The following NEBL variants were observed in gnomAD, a reference collection of about 807,000 sequenced individuals.
NEBL encodes nebulette.
Under a neutral mutation model 140.2 loss-of-function variants are expected in NEBL, and 122 were observed. The observed-to-expected ratio is 0.87, with a 90% CI of 0.75 to 1.01. The LOEUF (loss-of-function observed/expected upper bound fraction) is 1.01. NEBL is among the 50% of genes least tolerant of loss of function. The probability of loss-of-function intolerance (pLI) is 0.00; values close to 1 mark genes in which losing one functional copy is unlikely to be tolerated. For missense variants in NEBL, 1,365 were observed against 1,231.3 expected, an observed-to-expected ratio of 1.11 and a Z score of -1.62; for synonymous variants, 436 against 398.9, an observed-to-expected ratio of 1.09 and a Z score of -1.11.
At chr10:21,111,271 A>C (rs1838000013) in intron 2 of NEBL, among the ~76,000 whole-genome samples, 1 of 152,186 alleles carries the variant, frequency 6.6e-6, no homozygotes, top group Non-Finnish European at 1.5e-5. Flanking sequence ...ACCAAAAAAG[A>C]GCCCACAGAG....
chr10:20,883,831 G>C (rs1015936619), intron 4 of NEBL, among the ~76,000 whole-genome samples: 1 of 152,230 alleles, frequency 6.6e-6, no homozygotes, highest in African/African-American at 2.4e-5. Flanking sequence ...CATTAACATC[G>C]TCATTTCATT....
intron 26 of NEBL, among the ~76,000 whole-genome samples, chr10:20,800,702 G>C (rs1354736117): frequency 7.2e-6 from 1 of 138,272 alleles, no homozygotes; most frequent in African/African-American, 2.7e-5. Context: ...CAATAAGAGA[G>C]GTTGCGATAT....
intron 13 of NEBL, among the ~76,000 whole-genome samples, chr10:20,838,234 A>T (rs771092412): frequency 6.6e-5 from 10 of 152,228 alleles, no homozygotes; most frequent in Admixed American, 2.0e-4. Flanking sequence ...AAGATTAGTG[A>T]TTCATGAGAG....
intron 4 of NEBL, among the ~76,000 whole-genome samples, chr10:20,913,061 T>G (rs1413300048): frequency 6.6e-6 from 1 of 151,906 alleles, no homozygotes; most frequent in Non-Finnish European, 1.5e-5. Context: ...CATGCCCTGC[T>G]GTAAATTGTT....
intron 2 of NEBL, among the ~76,000 whole-genome samples, chr10:21,074,001 G>A (rs753409017): frequency 6.6e-6 from 1 of 152,104 alleles, no homozygotes; most frequent in Non-Finnish European, 1.5e-5. Context: ...CGTGAATCCG[G>A]GAGGTGGAGG....
At chr10:21,147,098 T>C (rs1444845378) in intron 2 of NEBL, among the ~76,000 whole-genome samples, 1 of 152,122 alleles carries the variant, frequency 6.6e-6, no homozygotes. Flanking sequence ...TCCAATAATA[T>C]TTCTTCAGCA....
At chr10:21,044,508 C>G (rs1194217962) in intron 2 of NEBL, among the ~76,000 whole-genome samples, 1 of 145,624 alleles carries the variant, frequency 6.9e-6, no homozygotes, top group African/African-American at 2.5e-5. Context: ...CAGAACATAT[C>G]CTGAGAAATG....
intron 3 of NEBL, among the ~76,000 whole-genome samples, chr10:21,243,145 G>A (rs1842462406): frequency 6.6e-6 from 1 of 152,094 alleles, no homozygotes; most frequent in South Asian, 2.1e-4. Flanking sequence ...CACTGCTCCT[G>A]TTCCGGGAGT....
intron 26 of NEBL, among the ~76,000 whole-genome samples, chr10:20,796,217 G>C (rs942242949): frequency 6.6e-6 from 1 of 151,712 alleles, no homozygotes; most frequent in African/African-American, 2.4e-5. Context: ...ACAAAAATTA[G>C]CAGGGCGTAG....
At chr10:21,124,695 G>A (rs1008548818) in intron 2 of NEBL, among the ~76,000 whole-genome samples, 1 of 152,228 alleles carries the variant, frequency 6.6e-6, no homozygotes, top group African/African-American at 2.4e-5. Flanking sequence ...GGTCATAGCT[G>A]GAATCGCAGC....
At chr10:20,873,213 A>G (rs1352254137) in intron 5 of NEBL, among the ~76,000 whole-genome samples, 2 of 152,136 alleles carry the variant, frequency 1.3e-5, no homozygotes, top group African/African-American at 2.4e-5. Flanking sequence ...GTGTATACAT[A>G]TTTTTTTCTA....
chr10:21,129,979 C>T (rs1436090657), intron 2 of NEBL, among the ~76,000 whole-genome samples: 1 of 151,970 alleles, frequency 6.6e-6, no homozygotes, highest in Non-Finnish European at 1.5e-5. Context: ...AAAATATGAC[C>T]TAACCATATT....
chr10:21,153,505 A>G (rs1347512737), intron 2 of NEBL, among the ~76,000 whole-genome samples: 1 of 151,038 alleles, frequency 6.6e-6, no homozygotes, highest in Non-Finnish European at 1.5e-5. Context: ...AATTTTTTAT[A>G]TATATTAAAA....
chr10:21,080,475 T>G (rs1004277335), intron 2 of NEBL, among the ~76,000 whole-genome samples: 2 of 152,248 alleles, frequency 1.3e-5, no homozygotes, highest in Admixed American at 1.3e-4. Flanking sequence ...ACAAGATTCA[T>G]TCATTGAATA....
intron 3 of NEBL, among the ~76,000 whole-genome samples, chr10:21,009,752 TTGCAAGGCCCCCAGAG>T: frequency 6.6e-6 from 1 of 152,312 alleles, no homozygotes; most frequent in South Asian, 2.1e-4. Flanking sequence ...TTTTATCCTT[TTGCAAGGCCCCCAGAG>T]AATTCCGGTG....
chr10:20,955,956 G>A (rs950546069), intron 4 of NEBL, among the ~76,000 whole-genome samples: 8 of 151,672 alleles, frequency 5.3e-5, no homozygotes, highest in Non-Finnish European at 1.2e-4. Flanking sequence ...TATTACCGGG[G>A]CTCTTCTCAA....
At chr10:20,855,768 A>T (rs1843010145) in intron 9 of NEBL, among the ~76,000 whole-genome samples, 2 of 152,160 alleles carry the variant, frequency 1.3e-5, no homozygotes, top group African/African-American at 2.4e-5. Flanking sequence ...TAATTAAGGC[A>T]CTCATATCAC....
chr10:21,182,570 T>C (rs1237359486), intron 3 of NEBL, among the ~76,000 whole-genome samples: 1 of 152,096 alleles, frequency 6.6e-6, no homozygotes, highest in Non-Finnish European at 1.5e-5. Context: ...GAAGTAAAAG[T>C]AAATAAAAAG....
chr10:21,003,587 CA>C (rs1837996592), intron 3 of NEBL, among the ~76,000 whole-genome samples: 1 of 152,148 alleles, frequency 6.6e-6, no homozygotes, highest in Non-Finnish European at 1.5e-5. Flanking sequence ...CATCTGAAAC[CA>C]ACTCTATTCA....
Sources: gnomAD v4.1 joint callset for allele counts (sites outside exome capture counted in the v4.1 genomes callset) on GRCh38, gnomAD v4.1.1 for gene constraint, MANE v1.5 for transcripts, NCBI Gene and HGNC (gene_info 2026-07-23, HGNC 2026-07-21) for gene names.